Variants in MTNAP1 observed in about 807,000 individuals in gnomAD.
MTNAP1 encodes mitochondrial nucleoid-associated protein 1.
the MTNAP1 span, among the ~76,000 whole-genome samples, chr17:73,234,584 G>A: frequency 1.3e-5 from 2 of 151,496 alleles, no homozygotes; most frequent in Admixed American, 6.6e-5. Flanking sequence ...CCAGCTCCTC[G>A]GGATGCTGAG....
At chr17:73,248,135 G>C in the MTNAP1 span, 1 of 244,076 alleles carries the variant, frequency 4.1e-6, no homozygotes, top group South Asian at 6.6e-5. Flanking sequence ...GCCTCGTGAG[G>C]ATACATTTTT....
At chr17:73,240,875 G>GT in the MTNAP1 span, among the ~76,000 whole-genome samples, 1,758 of 151,026 alleles carry the variant, frequency 0.012, 40 homozygotes, top group African/African-American at 0.039. Flanking sequence ...AGATGAATGG[G>GT]TTTTTTTTTT....
At chr17:73,243,251 T>A in the MTNAP1 span, 1 of 484,350 alleles carries the variant, frequency 2.1e-6, no homozygotes, top group Non-Finnish European at 3.8e-6. Flanking sequence ...GCCTCCTGGG[T>A]TCAAGTGATT....
chr17:73,246,985 A>G, the MTNAP1 span, among the ~76,000 whole-genome samples: 1 of 152,148 alleles, frequency 6.6e-6, no homozygotes, highest in Non-Finnish European at 1.5e-5. Context: ...GTAGATGAGA[A>G]TGACCTTCAG....
chr17:73,248,388 C>A, the MTNAP1 span: 4 of 1,018,954 alleles, frequency 3.9e-6, no homozygotes, highest in Non-Finnish European at 4.5e-6. Flanking sequence ...TTTTAAACAG[C>A]CTTATAAGTT....
chr17:73,234,137 C>T, the MTNAP1 span, among the ~76,000 whole-genome samples: 11 of 152,020 alleles, frequency 7.2e-5, no homozygotes, highest in Non-Finnish European at 1.6e-4. Flanking sequence ...ATATTGTATG[C>T]CAGGCTCAGT....
At chr17:73,247,364 G>C in the MTNAP1 span, 5 of 1,613,304 alleles carry the variant, frequency 3.1e-6, no homozygotes, top group Non-Finnish European at 2.5e-6. Flanking sequence ...AGTAGGAGAA[G>C]CCTTCGTGAC....
chr17:73,247,178 G>A, the MTNAP1 span: 2 of 1,435,270 alleles, frequency 1.4e-6, no homozygotes, highest in Admixed American at 1.7e-5. Flanking sequence ...GCAAAGTCGA[G>A]TAGTTGCGAC....
At chr17:73,244,448 A>G in the MTNAP1 span, 8 of 150,268 alleles carry the variant, frequency 5.3e-5, no homozygotes, top group African/African-American at 2.0e-4. Flanking sequence ...CTGTAGTCCC[A>G]GCTACTCGGG....
chr17:73,235,425 T>G, the MTNAP1 span: 1 of 1,397,410 alleles, frequency 7.2e-7, no homozygotes. Flanking sequence ...AGTAAAATAT[T>G]GGTATGTACA....
chr17:73,235,369 C>A, the MTNAP1 span: 1 of 977,626 alleles, frequency 1.0e-6, no homozygotes, highest in Non-Finnish European at 1.5e-6. Context: ...CCGTAAGTAG[C>A]AAACATCTAG....
At chr17:73,245,047 G>T in the MTNAP1 span, 1 of 887,064 alleles carries the variant, frequency 1.1e-6, no homozygotes, top group Non-Finnish European at 1.8e-6. Flanking sequence ...TTCTCATTGT[G>T]CTTAATACTC....
the MTNAP1 span, among the ~76,000 whole-genome samples, chr17:73,234,793 A>T: frequency 6.9e-6 from 1 of 144,340 alleles, no homozygotes; most frequent in Admixed American, 6.7e-5. Flanking sequence ...GTGTGTGTGT[A>T]TATGCATATT....
the MTNAP1 span, among the ~76,000 whole-genome samples, chr17:73,241,915 TGA>T: frequency 6.6e-6 from 1 of 151,756 alleles, no homozygotes; most frequent in African/African-American, 2.4e-5. Flanking sequence ...GGCGAGAGAG[TGA>T]GACTGTGTCA....
chr17:73,232,489 G>A, the MTNAP1 span: 12 of 554,824 alleles, frequency 2.2e-5, no homozygotes, highest in African/African-American at 5.9e-5. Flanking sequence ...GCCAACGGAG[G>A]GTACGGTATA....
the MTNAP1 span, among the ~76,000 whole-genome samples, chr17:73,233,812 G>A: frequency 6.6e-6 from 1 of 152,150 alleles, no homozygotes; most frequent in Non-Finnish European, 1.5e-5. Flanking sequence ...GGCTGAGGTT[G>A]CTGTGAGCCG....
the MTNAP1 span, among the ~76,000 whole-genome samples, chr17:73,233,617 A>G: frequency 2.0e-5 from 3 of 152,234 alleles, no homozygotes; most frequent in Admixed American, 2.0e-4. Context: ...TAGTCCCAGC[A>G]CTTTGGGAGG....
the MTNAP1 span, chr17:73,235,839 C>A: frequency 9.3e-6 from 15 of 1,614,116 alleles, no homozygotes; most frequent in Non-Finnish European, 1.3e-5. Context: ...TCCAACCATC[C>A]TTCAAAATGT....
At chr17:73,247,330 T>A in the MTNAP1 span, 1 of 1,613,532 alleles carries the variant, frequency 6.2e-7, no homozygotes, top group Admixed American at 1.7e-5. Flanking sequence ...CTCTAAAACA[T>A]GTTTGGATTA....
Sources: gnomAD v4.1 joint callset for allele counts (sites outside exome capture counted in the v4.1 genomes callset) on GRCh38, gnomAD v4.1.1 for gene constraint, MANE v1.5 for transcripts, NCBI Gene and HGNC (gene_info 2026-07-23, HGNC 2026-07-21) for gene names.